The following SBF1 variants were observed in gnomAD, a reference collection of about 807,000 sequenced individuals.
SBF1 encodes the protein myotubularin-related protein 5.
In SBF1, 65 loss-of-function variants were observed where a neutral mutation model predicts 215.8. The observed-to-expected ratio is 0.30, with a 90% CI of 0.25 to 0.37. SBF1 has a LOEUF of 0.37. SBF1 is among the 10% of genes least tolerant of loss of function. SBF1 has a pLI of 1.00. For synonymous variants in SBF1, 1,410 were observed against 1,122.8 expected (o/e 1.26, Z -5.11); for missense variants, 2,634 against 2,667.8 (o/e 0.99, Z 0.28).
intron 28 of SBF1, 93 bp from the exon 29 acceptor site, chr22:50,457,204 C>T (rs2067290379): frequency 1.9e-6 from 2 of 1,050,794 alleles, no homozygotes; most frequent in South Asian, 1.9e-5. Flanking sequence ...TTCCACCAAG[C>T]CCCCAGGGAG....
At chr22:50,472,371 A>C (rs2148616184) in intron 1 of SBF1, among the ~76,000 whole-genome samples, 1 of 152,296 alleles carries the variant, frequency 6.6e-6, no homozygotes, top group African/African-American at 2.4e-5. Flanking sequence ...AAGACAAGCT[A>C]TCCGCCAATC....
intron 1 of SBF1, among the ~76,000 whole-genome samples, chr22:50,469,945 G>C (rs1297099010): frequency 6.6e-6 from 1 of 152,178 alleles, no homozygotes; most frequent in Non-Finnish European, 1.5e-5. Context: ...GAGATGGTGG[G>C]GCGGTGAGGG....
At chr22:50,472,044 C>T (rs888990337) in intron 1 of SBF1, among the ~76,000 whole-genome samples, 3 of 152,210 alleles carry the variant, frequency 2.0e-5, no homozygotes, top group Admixed American at 1.3e-4. Context: ...GCACTGGCCA[C>T]GCTGTGATCA....
chr22:50,455,819 G>A (rs896488848), intron 31 of SBF1: 3 of 566,776 alleles, frequency 5.3e-6, no homozygotes, highest in South Asian at 2.0e-5. Flanking sequence ...AGGACTGAGG[G>A]ACGTCCCTGT....
rs1321209979 is a variant in SBF1 at position 50,463,083 on chromosome 22, A to G, written c.1900-145T>C. The G allele has an allele frequency of 5.9e-5, 66 of 1,117,902 alleles. 1 individual carries two copies. Among genetic ancestry groups the G allele is most frequent in the Admixed American group, 3.5e-4 (17 of 49,040 alleles). The allele number at this position is 1,117,902 out of a possible 1,614,324, so 69.2% of individuals were successfully genotyped here. ...TCCCCAAGGCTGCCTCAGAGGCTCA[A>G]TATCAGGAGACCCCAGGCCCCAGCA... On this transcript the variant is annotated intron_variant, in intron 16 of 40. Coordinates refer to ENST00000380817, the MANE Select transcript of SBF1 (RefSeq NM_002972.4).
intron 1 of SBF1, among the ~76,000 whole-genome samples, chr22:50,469,394 T>C (rs1325425025): frequency 6.6e-6 from 1 of 152,136 alleles, no homozygotes; most frequent in Non-Finnish European, 1.5e-5. Flanking sequence ...AACTACCACA[T>C]CCAGGGCCCT....
Position 50,465,140 on chromosome 22 carries a change from G to A in SBF1, c.1204-11C>T, listed in dbSNP as rs771883730. ...GCCCAGGAAGGCTGCCTGGATGACAGAAGGAGGTCGGTCCCTCAGGGGTCT... is the reference window on the plus strand; with the variant it reads ...GCCCAGGAAGGCTGCCTGGATGACAAAAGGAGGTCGGTCCCTCAGGGGTCT... On this transcript the variant is annotated splice_polypyrimidine_tract_variant and intron_variant, in intron 11 of 40. Coordinates refer to ENST00000380817, the MANE Select transcript of SBF1 (RefSeq NM_002972.4). The A allele has an allele frequency of 6.2e-7, 1 of 1,613,994 alleles. No individual in the cohort carries two copies. The highest frequency in any genetic ancestry group is 1.1e-5 in the South Asian group (1 of 91,068).
rs1044781665 is a variant in SBF1, at chr22:50,446,179, CAAG to C, written c.*960_*962del. The C allele has an allele frequency of 1.3e-5, 2 of 152,782 alleles. No individual in the cohort carries two copies. The highest frequency in any genetic ancestry group is 2.4e-5 in the African/African-American group (1 of 41,444). 9.5% of individuals were successfully genotyped at this position (152,782 alleles called of 1,614,324 possible). On this transcript the variant is annotated 3_prime_UTR_variant, in exon 41 of 41. Coordinates refer to ENST00000380817, the MANE Select transcript of SBF1 (RefSeq NM_002972.4). ...GAGCAGTGAGGGGCCACAGTGACAC[CAAG>C]AAGGGAAGGACGGGGGCCCTCTGAG... is the stretch of plus-strand genomic sequence containing the variant.
chr22:50,459,331 G>C lies in SBF1; in HGVS notation c.3750C>G (p.Ser1250Arg). The C allele has an allele frequency of 1.2e-6, 2 of 1,612,900 alleles. No individual in the cohort carries two copies. ...ACGCGTCGGCGTAGCGGGGCATGGA[G>C]CTGACCACAGCCTGCAGGTACTTCT... The part of the protein sequence containing the change: ...EQEKYLQAVV[S>R]SMPRYADASG... The change falls in exon 28 of 41, where the codon AGC becomes AGG. Residue 1250 changes from serine (S) to arginine (R), a missense_variant. By Grantham distance (110) the Ser-to-Arg change is moderately radical. Coordinates refer to ENST00000380817, the MANE Select transcript of SBF1 (RefSeq NM_002972.4).
At chr22:50,469,360 C>A (rs1033119980) in intron 1 of SBF1, among the ~76,000 whole-genome samples, 3 of 152,354 alleles carry the variant, frequency 2.0e-5, no homozygotes, top group Middle Eastern at 3.4e-3. Context: ...CCCCACCAGA[C>A]CCCTCCTCTC....
Position 50,447,378 on chromosome 22 carries a change from G to A in SBF1, c.5527C>T (p.Pro1843Ser), listed in dbSNP as rs773396158. The A allele has an allele frequency of 8.1e-6, 13 of 1,613,864 alleles. No individual in the cohort carries two copies. Among genetic ancestry groups the A allele is most frequent in the Non-Finnish European group, 1.1e-5 (13 of 1,179,936 alleles). ...IDLAEVEAVA[P>S]GTPTMGAPKT... The stretch of plus-strand genomic sequence containing the variant: ...GGGGCACCCATAGTGGGCGTGCCAG[G>A]TGCCACAGCCTCCACCTCCGCCAAG... The change falls in exon 40 of 41, where the codon CCT (proline) becomes TCT (serine). Residue 1843 changes from proline to serine, a missense_variant. Physicochemically the swap from Pro to Ser is moderately conservative, Grantham distance 74. Transcript: ENST00000380817.
At chr22:50,459,148 T>C (rs1431886827) in intron 28 of SBF1, 107 bp downstream of exon 28, 4 of 1,438,240 alleles carry the variant, frequency 2.8e-6, no homozygotes, top group East Asian at 5.0e-5. Flanking sequence ...CAAACATCCA[T>C]GACCAGCGCC....
intron 39 of SBF1, 32 bp from the exon 40 acceptor site, chr22:50,447,485 C>G: frequency 6.2e-7 from 1 of 1,609,896 alleles, no homozygotes; most frequent in Non-Finnish European, 8.5e-7. Flanking sequence ...GCGGAGCCCC[C>G]TCCCCCGTGA....
intron 36 of SBF1, among the ~76,000 whole-genome samples, chr22:50,450,098 G>A (rs1330155352): frequency 2.0e-5 from 3 of 152,262 alleles, no homozygotes; most frequent in South Asian, 2.1e-4. Flanking sequence ...AGCCCACAGA[G>A]GGGAGGGAGC....
At chr22:50,457,589 C>T (rs1011160471) in intron 28 of SBF1, among the ~76,000 whole-genome samples, 1 of 152,310 alleles carries the variant, frequency 6.6e-6, no homozygotes, top group Admixed American at 6.5e-5. Flanking sequence ...GGAGGCTTCC[C>T]GAAGAGGGGA....
At position 50,462,935 on chromosome 22, in the gene SBF1, A is replaced by G. The variant is rs1438250602; in HGVS notation, c.1903T>C (p.Cys635Arg). 6.2e-7 allele frequency: 1 copy of G among 1,612,602 alleles called. No homozygotes were observed. Among genetic ancestry groups the G allele is most frequent in the Non-Finnish European group, 8.5e-7 (1 of 1,179,734 alleles). ...ATGCCATGCTCGTCCAGAGAAGTGC[A>G]GTCCTGCAGGTAGAGCGAGAGACCG... is the stretch of plus-strand genomic sequence containing the variant. Reference protein sequence around the residue: ...VRMMNCCLQDCTSLDEHGIAA... With the variant: ...VRMMNCCLQDRTSLDEHGIAA... Residue 635 changes from cysteine to arginine, a missense_variant, in exon 17 of 41, where the codon TGC (cysteine) becomes CGC (arginine). Coordinates refer to ENST00000380817, the MANE Select transcript of SBF1 (RefSeq NM_002972.4).
Position 50,445,798 on chromosome 22 carries a change from C to T in SBF1, c.*1344G>A, listed in dbSNP as rs890680745. The T allele has an allele frequency of 2.0e-5, 3 of 152,430 alleles. No homozygotes were observed. Among genetic ancestry groups the T allele is most frequent in the African/African-American group, 7.2e-5 (3 of 41,436 alleles). 9.4% of individuals were successfully genotyped at this position (152,430 alleles called of 1,614,324 possible). A position where few individuals can be genotyped will look rare whatever the true frequency, so the allele number is the denominator to read the frequency against. ...TGCTGGGCCTGACAGGGTCCAAGGC[C>T]ATCCTTGGCTTCAACGTCCCACCAG... On this transcript the variant is annotated 3_prime_UTR_variant, in exon 41 of 41. Coordinates refer to ENST00000380817, the MANE Select transcript of SBF1 (RefSeq NM_002972.4).
chr22:50,455,596 C>T lies in SBF1; in HGVS notation c.4267-14G>A, dbSNP rs1278031981. ...CAGCTTGTGGATCTGCAGGGACAGG[C>T]GGCCTCAGCACCTCGGGGACCCACC... is the stretch of plus-strand genomic sequence containing the variant. On this transcript the variant is annotated splice_polypyrimidine_tract_variant and intron_variant, in intron 31 of 40. Transcript: ENST00000380817. 14 of 1,558,590 alleles carry T rather than the reference C, an allele frequency of 9.0e-6. No homozygotes were observed. Among genetic ancestry groups the T allele is most frequent in the African/African-American group, 8.2e-5 (6 of 73,364 alleles).
chr22:50,467,149 GC>G (rs1268886348), intron 5 of SBF1, 188 bp downstream of exon 5: 3 of 605,308 alleles, frequency 5.0e-6, no homozygotes, highest in Non-Finnish European at 8.8e-6. Flanking sequence ...AACGACACAG[GC>G]CCAGAGCACA....
Sources: allele counts gnomAD v4.1 joint callset (sites outside exome capture counted in the v4.1 genomes callset), GRCh38; gene constraint gnomAD v4.1.1; transcripts MANE v1.5; gene names NCBI Gene and HGNC (gene_info 2026-07-23, HGNC 2026-07-21).